NEBL: variants seen among roughly 807,000 people sequenced by gnomAD.
The protein encoded by NEBL is LIM and SH3 protein 2.
Under a neutral mutation model 140.2 loss-of-function variants are expected in NEBL, and 122 were observed. That is an observed-to-expected ratio of 0.87 (90% CI 0.75 to 1.01). The LOEUF is 1.01. NEBL is among the 50% of genes least tolerant of loss of function. The pLI is 0.00. For missense variants in NEBL, 1,365 were observed against 1,231.3 expected, an observed-to-expected ratio of 1.11 and a Z score of -1.62; for synonymous variants, 436 against 398.9, an observed-to-expected ratio of 1.09 and a Z score of -1.11.
intron 1 of NEBL, among the ~76,000 whole-genome samples, chr10:21,257,692 T>C (rs1175167793): frequency 1.3e-5 from 2 of 152,126 alleles, no homozygotes; most frequent in Non-Finnish European, 2.9e-5. Flanking sequence ...GAGACCATCC[T>C]GGCTAACACA....
intron 2 of NEBL, among the ~76,000 whole-genome samples, chr10:21,160,395 G>C (rs1840508935): frequency 6.6e-6 from 1 of 151,974 alleles, no homozygotes; most frequent in South Asian, 2.1e-4. Flanking sequence ...CATAACTGCT[G>C]TTTTAAAAAA....
At chr10:21,154,291 T>G (rs1163427654) in intron 2 of NEBL, among the ~76,000 whole-genome samples, 2 of 151,856 alleles carry the variant, frequency 1.3e-5, no homozygotes, top group African/African-American at 4.8e-5. Context: ...AAACCCTCTC[T>G]CTACTAAAAA....
intron 26 of NEBL, among the ~76,000 whole-genome samples, chr10:20,803,240 A>C (rs983592589): frequency 3.9e-5 from 6 of 152,200 alleles, no homozygotes; most frequent in African/African-American, 1.4e-4. Flanking sequence ...ATACAGTTTC[A>C]AATAGCTAGA....
chr10:21,091,627 T>C (rs1386656278), intron 2 of NEBL, among the ~76,000 whole-genome samples: 1 of 152,102 alleles, frequency 6.6e-6, no homozygotes, highest in African/African-American at 2.4e-5. Flanking sequence ...TTCATTTTAT[T>C]ATATTATTTG....
At chr10:20,964,077 A>C (rs1438086120) in intron 3 of NEBL, among the ~76,000 whole-genome samples, 5 of 152,188 alleles carry the variant, frequency 3.3e-5, no homozygotes, top group African/African-American at 4.8e-5. Context: ...TGATTCTAGG[A>C]GGCAAGTGGA....
In NEBL at chr10:21,074,098, T is replaced by C. The variant is rs553691032; in HGVS notation, c.165-53897A>G. ...TCAAAAAAAAAAGAAATACCTACTATAGTTATCATTTTGCTTTTATGCCAA... is the reference window on the plus strand; with the variant it reads ...TCAAAAAAAAAAGAAATACCTACTACAGTTATCATTTTGCTTTTATGCCAA... On this transcript the variant is annotated intron_variant, in intron 2 of 6. Transcript: ENST00000417816. Among the ~76,000 whole-genome samples, 44 of 152,142 alleles carry C rather than the reference T, an allele frequency of 2.9e-4. 1 individual carries two copies. The South Asian group carries it at 8.9e-3, about 31-fold the overall frequency.
chr10:20,872,615 G>A (rs989157664), intron 5 of NEBL, among the ~76,000 whole-genome samples: 2 of 152,206 alleles, frequency 1.3e-5, no homozygotes, highest in African/African-American at 2.4e-5. Context: ...TGCATTCCCA[G>A]ATGGTTAAGC....
chr10:21,149,339 G>A (rs533933774), intron 2 of NEBL, among the ~76,000 whole-genome samples: 2 of 152,124 alleles, frequency 1.3e-5, no homozygotes, highest in South Asian at 4.2e-4. Context: ...CACCCAAGCT[G>A]GAGTATAGTG....
chr10:21,079,136 C>G (rs1253908683), intron 2 of NEBL, among the ~76,000 whole-genome samples: 1 of 152,232 alleles, frequency 6.6e-6, no homozygotes, highest in African/African-American at 2.4e-5. Context: ...CTCAGCCTCT[C>G]TCTCTCGGAA....
chr10:20,989,039 A>G (rs1189633204), intron 3 of NEBL, among the ~76,000 whole-genome samples: 1 of 152,254 alleles, frequency 6.6e-6, no homozygotes, highest in African/African-American at 2.4e-5. Flanking sequence ...ATCAGTATGA[A>G]TTTACAGTAA....
At position 21,103,753 on chromosome 10, in the gene NEBL, G is replaced by A. The variant is rs933718752; in HGVS notation, c.164+68630C>T. The stretch of plus-strand genomic sequence containing the variant: ...CTCTGGCTCCCTAGTCATGACATGC[G>A]ATTATTAGTATCTTTTGAAAAGAAA... On this transcript the variant is annotated intron_variant, in intron 2 of 6. Transcript: ENST00000417816. Among the ~76,000 whole-genome samples, 5 of 151,886 alleles carry A rather than the reference G, an allele frequency of 3.3e-5. No individual in the cohort carries two copies. In the South Asian group the frequency reaches 8.3e-4, roughly 25 times the overall value.
chr10:21,050,790 G>A (rs1204611130), intron 2 of NEBL, among the ~76,000 whole-genome samples: 1 of 152,170 alleles, frequency 6.6e-6, no homozygotes, highest in Admixed American at 6.5e-5. Flanking sequence ...GAGTGATGTG[G>A]TGTCTCATCC....
chr10:21,199,350 T>A (rs993582054), intron 3 of NEBL, among the ~76,000 whole-genome samples: 9 of 152,282 alleles, frequency 5.9e-5, no homozygotes, highest in South Asian at 2.1e-4. Flanking sequence ...ATTAATTTTT[T>A]AAAAAATCAT....
intron 1 of NEBL, among the ~76,000 whole-genome samples, chr10:21,252,558 C>A (rs1170335824): frequency 6.6e-6 from 1 of 151,962 alleles, no homozygotes; most frequent in Non-Finnish European, 1.5e-5. Flanking sequence ...CCAAAGATAC[C>A]ACGTTTTTAA....
chr10:21,047,418 C>G (rs140587357), intron 2 of NEBL, among the ~76,000 whole-genome samples: 2 of 152,052 alleles, frequency 1.3e-5, no homozygotes, highest in Non-Finnish European at 1.5e-5. Flanking sequence ...ATGTGGGGTT[C>G]TGCAATGCTT....
At chr10:21,209,470 A>G (rs1353231222) in intron 3 of NEBL, among the ~76,000 whole-genome samples, 1 of 152,062 alleles carries the variant, frequency 6.6e-6, no homozygotes, top group South Asian at 2.1e-4. Flanking sequence ...GCCCCTCTGA[A>G]AAAAGTCAAG....
intron 2 of NEBL, among the ~76,000 whole-genome samples, chr10:21,056,575 C>T (rs1001442605): frequency 5.3e-5 from 8 of 152,128 alleles, no homozygotes; most frequent in Admixed American, 1.3e-4. Context: ...GCATAGAGAA[C>T]GAGCCAATCC....
chr10:21,040,600 T>A (rs970386987), intron 2 of NEBL, among the ~76,000 whole-genome samples: 4 of 152,148 alleles, frequency 2.6e-5, no homozygotes, highest in African/African-American at 9.7e-5. Flanking sequence ...CACAAAGCCA[T>A]TCATGAGAGA....
At chr10:21,221,211 C>A (rs1483203022) in intron 3 of NEBL, among the ~76,000 whole-genome samples, 1 of 152,132 alleles carries the variant, frequency 6.6e-6, no homozygotes, top group Non-Finnish European at 1.5e-5. Flanking sequence ...TAGCTTGACT[C>A]ATGCATTTCA....
Sources: allele counts gnomAD v4.1 joint callset (sites outside exome capture counted in the v4.1 genomes callset), GRCh38; gene constraint gnomAD v4.1.1; transcripts MANE v1.5; gene names NCBI Gene and HGNC (gene_info 2026-07-23, HGNC 2026-07-21).